SENP8: variants seen among roughly 807,000 people sequenced by gnomAD.
The protein encoded by SENP8 is sentrin-specific protease 8.
In SENP8, 10 loss-of-function variants were observed where a neutral mutation model predicts 14.4. The ratio of observed to expected loss-of-function variants is 0.69; its 90% confidence interval spans 0.43 to 1.18. SENP8 has a LOEUF of 1.18. SENP8 is among the 50% of genes most tolerant of loss of function. The pLI, the probability that SENP8 is intolerant of heterozygous loss-of-function variation, is 0.00. For missense variants in SENP8, 202 were observed against 249.4 expected, an observed-to-expected ratio of 0.81 and a Z score of 1.28; for synonymous variants, 94 against 95.5, an observed-to-expected ratio of 0.98 and a Z score of 0.09.
rs2081361358 is a variant in SENP8, at chr15:72,139,691, C to T, written c.68C>T (p.Pro23Leu). 11 of 1,614,034 alleles carry T rather than the reference C, an allele frequency of 6.8e-6. No individual in the cohort carries two copies. Among genetic ancestry groups the T allele is most frequent in the Admixed American group, 1.7e-5 (1 of 59,998 alleles). The part of the protein sequence containing the change: ...LRQSDVSLLD[P>L]PSWLNDHIIG... ...CAATCAGATGTCTCACTATTGGATC[C>T]GCCAAGCTGGCTCAATGACCATATT... Residue 23 changes from proline (P) to leucine (L), a missense_variant, in exon 2 of 2, where the codon CCG becomes CTG. Physicochemically the swap from Pro to Leu is moderately conservative, Grantham distance 98 (BLOSUM62 -3). Coordinates refer to ENST00000340912, the MANE Select transcript of SENP8 (RefSeq NM_145204.4).
rs2081363412 is a variant in SENP8, at chr15:72,139,852, C to T, written c.229C>T (p.Pro77Ser). Residue 77 changes from proline to serine, a missense_variant, in exon 2 of 2, where the codon CCA becomes TCA. Transcript: ENST00000340912. The part of the protein sequence containing the change: ...NPAEIAMFLE[P>S]LDLPNKRVVF... Reference sequence around the variant, plus strand: ...AGCAGAGATTGCCATGTTCCTTGAACCACTGGACCTCCCCAACAAGAGAGT... The same window carrying T: ...AGCAGAGATTGCCATGTTCCTTGAATCACTGGACCTCCCCAACAAGAGAGT... The T allele has an allele frequency of 6.2e-7, 1 of 1,614,222 alleles. No individual in the cohort carries two copies. Among genetic ancestry groups the T allele is most frequent in the Non-Finnish European group, 8.5e-7 (1 of 1,180,050 alleles).
upstream of SENP8, among the ~76,000 whole-genome samples, chr15:72,117,428 T>C (rs2278987): frequency 0.66 from 100,497 of 151,608 alleles, 34,105 homozygotes; most frequent in Middle Eastern, 0.74. Flanking sequence ...GTCTGCTGGG[T>C]TGGGGGGACC....
At chr15:72,119,120 A>G (rs1418996138) in intron 1 of SENP8, among the ~76,000 whole-genome samples, 1 of 152,196 alleles carries the variant, frequency 6.6e-6, no homozygotes, top group Admixed American at 6.5e-5. Flanking sequence ...GAAATGAGGA[A>G]CGAGAATATG....
rs1463886023 is a variant in SENP8, at chr15:72,142,596, G to A, written c.*2334G>A. ...TTGCCCGGTAAGTATAGTCACACTTGTCCAACCCGTGTCTCAATATGGAAT... is the reference window on the plus strand; with the variant it reads ...TTGCCCGGTAAGTATAGTCACACTTATCCAACCCGTGTCTCAATATGGAAT... On this transcript the variant is annotated 3_prime_UTR_variant, in exon 2 of 2. Coordinates refer to ENST00000340912, the MANE Select transcript of SENP8 (RefSeq NM_145204.4). The A allele has an allele frequency of 1.3e-5, 2 of 152,094 alleles. No homozygotes were observed. The highest frequency in any genetic ancestry group is 2.9e-5 in the Non-Finnish European group (2 of 68,034). 9.4% of individuals were successfully genotyped at this position (152,094 alleles called of 1,614,324 possible).
chr15:72,142,313 A>G lies in SENP8; in HGVS notation c.*2051A>G, dbSNP rs2081385875. The G allele has an allele frequency of 6.6e-6, 1 of 152,194 alleles. No homozygotes were observed. Among genetic ancestry groups the G allele is most frequent in the Non-Finnish European group, 1.5e-5 (1 of 68,030 alleles). The allele number at this position is 152,194 out of a possible 1,614,324, so 9.4% of individuals were successfully genotyped here. ...ATGTTAGCATTATAAATTGCAGGAG[A>G]ATTTAAGAATTGACTTGTATTTCAC... On this transcript the variant is annotated 3_prime_UTR_variant, in exon 2 of 2. Coordinates refer to ENST00000340912, the MANE Select transcript of SENP8 (RefSeq NM_145204.4).
chr15:72,132,249 T>C (rs1388377317), intron 1 of SENP8, among the ~76,000 whole-genome samples: 1 of 152,106 alleles, frequency 6.6e-6, no homozygotes, highest in African/African-American at 2.4e-5. Context: ...CTTCCCCTAG[T>C]CTTGCTTACC....
chr15:72,117,918 G>A, upstream of SENP8: 2 of 398,536 alleles, frequency 5.0e-6, no homozygotes, highest in South Asian at 1.3e-4. Context: ...GCCGCACCCC[G>A]CCCAGAGAGC....
intron 1 of SENP8, among the ~76,000 whole-genome samples, chr15:72,127,388 C>T (rs2081231135): frequency 6.6e-6 from 1 of 152,156 alleles, no homozygotes; most frequent in East Asian, 1.9e-4. Context: ...GGCATTTAAA[C>T]TAAGATCTGT....
chr15:72,132,808 C>T (rs1044090288), intron 1 of SENP8, among the ~76,000 whole-genome samples: 1 of 152,042 alleles, frequency 6.6e-6, no homozygotes, highest in Non-Finnish European at 1.5e-5. Context: ...TCTACAATAT[C>T]TATTCCTCCA....
chr15:72,124,945 A>G (rs2081202509), intron 1 of SENP8, among the ~76,000 whole-genome samples: 1 of 152,186 alleles, frequency 6.6e-6, no homozygotes, highest in South Asian at 2.1e-4. Context: ...CATATTATGA[A>G]CATTTTTCTT....
At chr15:72,129,317 C>G (rs1040177770) in intron 1 of SENP8, among the ~76,000 whole-genome samples, 12 of 151,922 alleles carry the variant, frequency 7.9e-5, no homozygotes, top group African/African-American at 2.7e-4. Context: ...ATCACTGGAG[C>G]CAAGGAGTTC....
intron 1 of SENP8, 36 bp from the exon 2 acceptor site, chr15:72,139,541 A>G: frequency 1.3e-6 from 2 of 1,511,702 alleles, no homozygotes; most frequent in Non-Finnish European, 8.9e-7. Flanking sequence ...CGCATTTTAC[A>G]GTCAGGTATT....
intron 1 of SENP8, among the ~76,000 whole-genome samples, chr15:72,135,606 G>A (rs888947881): frequency 6.6e-6 from 1 of 152,172 alleles, no homozygotes; most frequent in Non-Finnish European, 1.5e-5. Context: ...GGCAAAGGGT[G>A]GGTTTGGCTA....
chr15:72,134,063 C>T (rs2081303183), intron 1 of SENP8, among the ~76,000 whole-genome samples: 1 of 152,086 alleles, frequency 6.6e-6, no homozygotes, highest in Non-Finnish European at 1.5e-5. Flanking sequence ...GTTCTTGTGC[C>T]TCAGTCTCCC....
At chr15:72,125,020 CTGT>C (rs1336910889) in intron 1 of SENP8, among the ~76,000 whole-genome samples, 1 of 152,036 alleles carries the variant, frequency 6.6e-6, no homozygotes, top group East Asian at 1.9e-4. Context: ...TGTGGAAACC[CTGT>C]TGTTTAATTT....
intron 1 of SENP8, among the ~76,000 whole-genome samples, chr15:72,131,133 G>A (rs1596649673): frequency 6.6e-6 from 1 of 152,160 alleles, no homozygotes; most frequent in Non-Finnish European, 1.5e-5. Flanking sequence ...GAGCCCAAGA[G>A]TTCAAGGATG....
At chr15:72,115,492 T>C (rs1359055921), upstream of SENP8, among the ~76,000 whole-genome samples, 1 of 152,202 alleles carries the variant, frequency 6.6e-6, no homozygotes, top group African/African-American at 2.4e-5. Context: ...TTATCCTGTA[T>C]GCAACTTCTC....
intron 1 of SENP8, among the ~76,000 whole-genome samples, chr15:72,138,889 C>T (rs1014801411): frequency 6.8e-6 from 1 of 147,784 alleles, no homozygotes; most frequent in South Asian, 2.1e-4. Context: ...CGCTTCAACC[C>T]AGGAGGCAGA....
chr15:72,121,334 T>A (rs1372858030), intron 1 of SENP8, among the ~76,000 whole-genome samples: 1 of 152,178 alleles, frequency 6.6e-6, no homozygotes, highest in South Asian at 2.1e-4. Context: ...ATAATGTGAT[T>A]AGAGTTCTGT....
Sources: gnomAD v4.1 joint callset for allele counts (sites outside exome capture counted in the v4.1 genomes callset) on GRCh38, gnomAD v4.1.1 for gene constraint, MANE v1.5 for transcripts, NCBI Gene and HGNC (gene_info 2026-07-23, HGNC 2026-07-21) for gene names.